The following PEX5L variants were observed in gnomAD, a reference collection of about 807,000 sequenced individuals.
The protein encoded by PEX5L is PEX5-related protein.
PEX5L carries 30 observed loss-of-function variants against 84.0 expected under a neutral mutation model. That is an observed-to-expected ratio of 0.36 (90% CI 0.27 to 0.48). The LOEUF is 0.48. Ranked by LOEUF, PEX5L falls within the 20% of genes least tolerant of loss-of-function variation. The probability of loss-of-function intolerance (pLI) is 0.99; values close to 1 mark genes in which losing one functional copy is unlikely to be tolerated. For synonymous variants in PEX5L, 270 were observed against 283.1 expected (o/e 0.95, Z 0.46); for missense variants, 533 against 754.6 (o/e 0.71, Z 3.44).
intron 8 of PEX5L, among the ~76,000 whole-genome samples, chr3:179,824,284 A>G (rs1487972216): frequency 5.3e-5 from 8 of 152,174 alleles, no homozygotes; most frequent in African/African-American, 1.7e-4. Flanking sequence ...TTAAGTGCCA[A>G]TTCTTCCTGG....
intron 1 of PEX5L, among the ~76,000 whole-genome samples, chr3:180,032,532 A>G (rs1196205456): frequency 1.3e-5 from 2 of 152,192 alleles, no homozygotes; most frequent in Admixed American, 1.3e-4. Flanking sequence ...ATGCCTTAGC[A>G]AAGGGTTAAG....
intron 2 of PEX5L, among the ~76,000 whole-genome samples, chr3:179,948,771 T>C (rs1325258902): frequency 2.0e-5 from 3 of 152,256 alleles, no homozygotes; most frequent in Non-Finnish European, 4.4e-5. Flanking sequence ...ATTTTCTCTC[T>C]GCGGAAGCAG....
At chr3:179,826,172 T>C (rs914067900) in intron 8 of PEX5L, among the ~76,000 whole-genome samples, 1 of 151,922 alleles carries the variant, frequency 6.6e-6, no homozygotes, top group South Asian at 2.1e-4. Flanking sequence ...CAATATAAGG[T>C]TCAAGAAGTT....
chr3:179,896,431 A>AAAGGAAGAAC (rs1759318931), intron 3 of PEX5L, among the ~76,000 whole-genome samples: 1 of 152,170 alleles, frequency 6.6e-6, no homozygotes, highest in Non-Finnish European at 1.5e-5. Flanking sequence ...GACAGGGATT[A>AAAGGAAGAAC]AAGGAAGAAC....
intron 2 of PEX5L, among the ~76,000 whole-genome samples, chr3:179,936,239 A>T (rs986898849): frequency 6.6e-6 from 1 of 151,994 alleles, no homozygotes; most frequent in Admixed American, 6.6e-5. Context: ...TCCTGTCATT[A>T]TTTTCAAGGG....
chr3:179,871,225 C>T (rs142993612), intron 7 of PEX5L, among the ~76,000 whole-genome samples: 17 of 151,462 alleles, frequency 1.1e-4, no homozygotes, highest in South Asian at 6.3e-4. Flanking sequence ...GCCTCAGCCT[C>T]CTGCGTAGCT....
chr3:179,820,095 A>C, intron 8 of PEX5L, 119 bp from the exon 9 acceptor site: 1 of 1,426,090 alleles, frequency 7.0e-7, no homozygotes, highest in South Asian at 1.3e-5. Context: ...GGCTGATGAC[A>C]TCCAACTGAT....
chr3:179,872,374 G>A (rs1273807634), intron 7 of PEX5L, among the ~76,000 whole-genome samples: 1 of 152,130 alleles, frequency 6.6e-6, no homozygotes, highest in Non-Finnish European at 1.5e-5. Flanking sequence ...ATCTGCATAA[G>A]TGAACATGCA....
chr3:179,845,964 G>C (rs1161230327), intron 8 of PEX5L, among the ~76,000 whole-genome samples: 1 of 152,204 alleles, frequency 6.6e-6, no homozygotes, highest in Middle Eastern at 3.2e-3. Context: ...GAGGTCAGGA[G>C]TTTGAGACCA....
chr3:179,917,683 T>C (rs1365322882), intron 2 of PEX5L, among the ~76,000 whole-genome samples: 4 of 152,162 alleles, frequency 2.6e-5, no homozygotes, highest in African/African-American at 9.7e-5. Context: ...GGAGTTTTGC[T>C]TTTTGAGACG....
intron 2 of PEX5L, among the ~76,000 whole-genome samples, chr3:179,928,384 G>A (rs1772079260): frequency 6.6e-6 from 1 of 152,150 alleles, no homozygotes; most frequent in African/African-American, 2.4e-5. Flanking sequence ...TTTGGAGGAG[G>A]TCCCAGGAGA....
chr3:179,909,968 C>G (rs1764612625), intron 2 of PEX5L, among the ~76,000 whole-genome samples: 1 of 152,176 alleles, frequency 6.6e-6, no homozygotes, highest in Non-Finnish European at 1.5e-5. Flanking sequence ...ATCTGTGGTA[C>G]TTTGTCATGG....
intron 2 of PEX5L, among the ~76,000 whole-genome samples, chr3:179,900,054 G>A (rs1423200790): frequency 6.6e-6 from 1 of 152,080 alleles, no homozygotes; most frequent in Non-Finnish European, 1.5e-5. Flanking sequence ...GATTTATTAT[G>A]GCACTATAAC....
intron 8 of PEX5L, 153 bp from the exon 9 acceptor site, chr3:179,820,129 A>T: frequency 9.9e-7 from 1 of 1,013,944 alleles, no homozygotes; most frequent in Non-Finnish European, 1.4e-6. Flanking sequence ...GAGCTTCTGG[A>T]GGGTACTCAC....
At chr3:179,809,413 G>T in intron 12 of PEX5L, 58 bp downstream of exon 12, 1 of 1,313,820 alleles carries the variant, frequency 7.6e-7, no homozygotes, top group South Asian at 1.2e-5. Context: ...TTGCCCTTTA[G>T]GTGATTCATT....
At chr3:179,994,215 C>T (rs781477081) in intron 1 of PEX5L, among the ~76,000 whole-genome samples, 6 of 152,168 alleles carry the variant, frequency 3.9e-5, no homozygotes, top group Non-Finnish European at 5.9e-5. Flanking sequence ...AGAAGAATCA[C>T]CCAGCCATCC....
intron 7 of PEX5L, among the ~76,000 whole-genome samples, chr3:179,864,509 T>G (rs1018810180): frequency 1.3e-5 from 2 of 151,942 alleles, no homozygotes; most frequent in Non-Finnish European, 2.9e-5. Flanking sequence ...AGTAGAATGG[T>G]GGTTACCAGG....
intron 2 of PEX5L, among the ~76,000 whole-genome samples, chr3:179,916,125 T>C (rs1766987163): frequency 6.6e-6 from 1 of 152,182 alleles, no homozygotes; most frequent in Non-Finnish European, 1.5e-5. Context: ...GCCATATACT[T>C]CATACATATA....
intron 1 of PEX5L, among the ~76,000 whole-genome samples, chr3:180,023,368 T>G (rs1352744795): frequency 6.6e-6 from 1 of 152,140 alleles, no homozygotes; most frequent in Non-Finnish European, 1.5e-5. Flanking sequence ...CAGGGATAGC[T>G]TTACAGGAAA....
Sources: gnomAD v4.1 joint callset for allele counts (sites outside exome capture counted in the v4.1 genomes callset) on GRCh38, gnomAD v4.1.1 for gene constraint, MANE v1.5 for transcripts, NCBI Gene and HGNC (gene_info 2026-07-23, HGNC 2026-07-21) for gene names.